The following NOS2 variants were observed in gnomAD, a reference collection of about 807,000 sequenced individuals.
NOS2 encodes the protein nitric oxide synthase, inducible.
Under a neutral mutation model 136.0 loss-of-function variants are expected in NOS2, and 96 were observed. The ratio of observed to expected loss-of-function variants is 0.71; its 90% CI spans 0.60 to 0.84. The LOEUF (loss-of-function observed/expected upper bound fraction) is 0.84, where lower values mean the gene tolerates loss of function less well. NOS2 is among the 40% of genes least tolerant of loss of function. The pLI is 0.00. For synonymous variants in NOS2, 539 were observed against 587.5 expected (o/e 0.92, Z 1.20); for missense variants, 1,237 against 1,496.9 (o/e 0.83, Z 2.87).
At chr17:27,766,414 TCTC>T in intron 19 of NOS2, 93 bp downstream of exon 19, 1 of 1,136,086 alleles carries the variant, frequency 8.8e-7, no homozygotes, top group East Asian at 2.4e-5. Context: ...CATATGCTCT[TCTC>T]CTCTCCCTTC....
rs1046577637 is a variant in NOS2 at position 27,798,984 on chromosome 17, A to C, written c.-73-102T>G. The C allele has an allele frequency of 6.7e-6, 4 of 600,980 alleles. No homozygotes were observed. In the Admixed American group the frequency reaches 1.2e-4, roughly 18 times the overall value. 37.2% of individuals were successfully genotyped at this position (600,980 alleles called of 1,614,324 possible). ...CTGGGGAATCGATATGAACGCCAGC[A>C]TGAGCCCCTTCATCAATGCTTTGCA... On this transcript the variant is annotated intron_variant, in intron 1 of 26. Coordinates refer to ENST00000313735, the MANE Select transcript of NOS2 (RefSeq NM_000625.4).
chr17:27,772,374 C>T lies in NOS2; in HGVS notation c.1638G>A (p.Glu546=). Residue 546 remains glutamate, a synonymous_variant, in exon 14 of 27, where the codon GAG becomes GAA. Coordinates refer to ENST00000313735, the MANE Select transcript of NOS2 (RefSeq NM_000625.4). ...AGGCCAGCGCCTCTGATTTTCCTGTCTCTGTCGCAAAGAGGATGGTGACTC... is the reference window on the plus strand; with the variant it reads ...AGGCCAGCGCCTCTGATTTTCCTGTTTCTGTCGCAAAGAGGATGGTGACTC... The part of the protein sequence containing the change: ...RVRVTILFAT[E]TGKSEALAWD... 2.5e-6 allele frequency: 4 copies of T among 1,614,164 alleles called. No individual in the cohort carries two copies. Among genetic ancestry groups the T allele is most frequent in the Non-Finnish European group, 3.4e-6 (4 of 1,180,038 alleles).
Position 27,773,083 on chromosome 17 carries a change from A to C in NOS2, c.1559+78T>G. 1.2e-5 allele frequency: 13 copies of C among 1,120,416 alleles called. No individual in the cohort carries two copies. The South Asian group carries it at 1.6e-4, about 14-fold the overall frequency. 69.4% of individuals were successfully genotyped at this position (1,120,416 alleles called of 1,614,324 possible). A position where few individuals can be genotyped will look rare whatever the true frequency, so the allele number is the denominator to read the frequency against. On this transcript the variant is annotated intron_variant, in intron 13 of 26. Transcript: ENST00000313735. ...CCATTCCTTGTGTTCTTGCCCTTCA[A>C]GGACTGGAGGCAGAGGCTGACTAGA...
intron 2 of NOS2, chr17:27,793,685 C>T: frequency 2.5e-6 from 1 of 395,804 alleles, no homozygotes. Context: ...GCGCCCAGCC[C>T]CTCGCGCATG....
chr17:27,776,876 C>T (rs1830046815), intron 11 of NOS2, among the ~76,000 whole-genome samples: 1 of 152,080 alleles, frequency 6.6e-6, no homozygotes, highest in African/African-American at 2.4e-5. Context: ...GAGGAGGAAA[C>T]AAGGGCCCAT....
At chr17:27,768,089 G>C (rs11871150) in intron 17 of NOS2, among the ~76,000 whole-genome samples, 1 of 152,032 alleles carries the variant, frequency 6.6e-6, no homozygotes, top group African/African-American at 2.4e-5. Flanking sequence ...TCACTCAGTC[G>C]CCCAGGCTGG....
chr17:27,772,760 T>A (rs571322294), intron 13 of NOS2, among the ~76,000 whole-genome samples: 25 of 152,184 alleles, frequency 1.6e-4, no homozygotes, highest in African/African-American at 5.3e-4. Flanking sequence ...CCAGGCTGGG[T>A]GCCGTGGCTC....
Position 27,769,603 on chromosome 17 carries a change from A to G in NOS2, c.1810-19T>C. The G allele has an allele frequency of 6.2e-7, 1 of 1,603,838 alleles. No individual in the cohort carries two copies. The highest frequency in any genetic ancestry group is 8.5e-7 in the Non-Finnish European group (1 of 1,170,618). ...TCAGTTTCTAGAAAGAGAGGGAATG[A>G]CAGAGTTCTCAAGCCAGGATGAATA... On this transcript the variant is annotated intron_variant, in intron 15 of 26. Coordinates refer to ENST00000313735, the MANE Select transcript of NOS2 (RefSeq NM_000625.4).
chr17:27,776,016 T>C (rs534880394), intron 11 of NOS2, among the ~76,000 whole-genome samples: 49 of 152,200 alleles, frequency 3.2e-4, no homozygotes, highest in African/African-American at 1.2e-3. Flanking sequence ...CACGGCCTGA[T>C]AGAAACTCTG....
rs1225355279 is a variant in NOS2, at chr17:27,767,894, A to C, written c.2035-57T>G. On this transcript the variant is annotated intron_variant, in intron 17 of 26. Coordinates refer to ENST00000313735, the MANE Select transcript of NOS2 (RefSeq NM_000625.4). ...GGTCAGCAGCAGCAGCATCCCCACCACTGGGGCTACCACTTTTTAGGCCCT... is the reference window on the plus strand; with the variant it reads ...GGTCAGCAGCAGCAGCATCCCCACCCCTGGGGCTACCACTTTTTAGGCCCT... 45 of 1,603,068 alleles carry C rather than the reference A, an allele frequency of 2.8e-5. No homozygotes were observed. The Admixed American group carries it at 2.8e-4, about 10-fold the overall frequency.
rs141379223 is a variant in NOS2, at chr17:27,781,086, T to C, written c.814A>G (p.Met272Val). 1.9e-6 allele frequency: 3 copies of C among 1,613,714 alleles called. No homozygotes were observed. The highest frequency in any genetic ancestry group is 2.5e-6 in the Non-Finnish European group (3 of 1,180,016). ...AQLIRYAGYQ[M>V]PDGSIRGDPA... is the part of the protein sequence containing the mutation. ...TCCCCTCTGATGCTGCCATCTGGCA[T>C]CTGGTAGCCAGCATAGCGGATGAGC... The change falls in exon 8 of 27, where the codon ATG becomes GTG. Residue 272 changes from methionine to valine, a missense_variant. Coordinates refer to ENST00000313735, the MANE Select transcript of NOS2 (RefSeq NM_000625.4).
At chr17:27,783,702 C>T (rs1270806340) in intron 5 of NOS2, among the ~76,000 whole-genome samples, 1 of 152,154 alleles carries the variant, frequency 6.6e-6, no homozygotes, top group African/African-American at 2.4e-5. Flanking sequence ...ATTTTATAGC[C>T]AAGGATCTCA....
rs899922129 is a variant in NOS2, at chr17:27,760,107, C to T, written c.3082G>A (p.Glu1028Lys). ...CCCTTCTGGGCCATCTCCAGCATCTCCTCCTGGTAGATGTGGTCCTCATCT... is the reference window on the plus strand; with the variant it reads ...CCCTTCTGGGCCATCTCCAGCATCTTCTCCTGGTAGATGTGGTCCTCATCT... ...RPDEDHIYQE[E>K]MLEMAQKGVL... The change falls in exon 25 of 27, where the codon GAG becomes AAG. Residue 1028 changes from glutamate (E) to lysine (K), a missense_variant. Around this residue, in one of 3 missense-constraint regions of NOS2, gnomAD observed 782 missense variants for 909.9 expected, o/e 0.86. Transcript: ENST00000313735. The T allele has an allele frequency of 1.2e-6, 2 of 1,607,330 alleles. No individual in the cohort carries two copies. Among genetic ancestry groups the T allele is most frequent in the Non-Finnish European group, 1.7e-6 (2 of 1,177,156 alleles).
chr17:27,778,037 A>T (rs1908713617), intron 11 of NOS2, among the ~76,000 whole-genome samples: 1 of 151,476 alleles, frequency 6.6e-6, no homozygotes, highest in African/African-American at 2.4e-5. Flanking sequence ...GATGTCTCAA[A>T]AAAAAAAAAA....
chr17:27,761,133 G>A lies in NOS2; in HGVS notation c.2888+11C>T, dbSNP rs1161847778. 1.3e-6 allele frequency: 2 copies of A among 1,577,580 alleles called. No homozygotes were observed. The highest frequency in any genetic ancestry group is 1.8e-5 in the Admixed American group (1 of 56,320). Reference sequence around the variant, plus strand: ...CGGCCCCACAGGGGACAGAGTGGAAGGGGTGCTTACTTCCGCACAAAGCAG... The same window carrying A: ...CGGCCCCACAGGGGACAGAGTGGAAAGGGTGCTTACTTCCGCACAAAGCAG... On this transcript the variant is annotated intron_variant, in intron 23 of 26. Coordinates refer to ENST00000313735, the MANE Select transcript of NOS2 (RefSeq NM_000625.4).
chr17:27,759,573 G>A (rs1430802559), intron 25 of NOS2, among the ~76,000 whole-genome samples: 2 of 152,166 alleles, frequency 1.3e-5, no homozygotes, highest in African/African-American at 4.8e-5. Flanking sequence ...GGGCCCAAGA[G>A]GTGCCCTGAT....
chr17:27,778,654 C>G lies in NOS2; in HGVS notation c.1281+36G>C, dbSNP rs199534096. On this transcript the variant is annotated intron_variant, in intron 11 of 26. Transcript: ENST00000313735. ...TCACTGGATCAGTTAAGCTTCTCAC[C>G]AAAAAGTCTTCAGACTCACAAAACT... 1.7e-5 allele frequency: 27 copies of G among 1,551,784 alleles called. No homozygotes were observed. In the South Asian group the frequency reaches 3.0e-4, roughly 17 times the overall value.
intron 6 of NOS2, 94 bp from the exon 7 acceptor site, chr17:27,782,200 GAAACACTCAACACAC>G (rs910854228): frequency 5.7e-6 from 6 of 1,059,800 alleles, no homozygotes; most frequent in African/African-American, 4.7e-5. Flanking sequence ...TAGTGCAGCC[GAAACACTCAACACAC>G]AAACACTCAA....
intron 2 of NOS2, chr17:27,793,609 T>G: frequency 2.5e-6 from 1 of 397,520 alleles, no homozygotes; most frequent in Non-Finnish European, 4.4e-6. Context: ...CGGGCAGCAG[T>G]CAGGCTTCGG....
Sources: allele counts gnomAD v4.1 joint callset (sites outside exome capture counted in the v4.1 genomes callset), GRCh38; gene constraint gnomAD v4.1.1; regional missense constraint gnomAD v4.1.1; transcripts MANE v1.5; gene names NCBI Gene and HGNC (gene_info 2026-07-23, HGNC 2026-07-21).